Variants in SLC24A3 observed in about 807,000 individuals in gnomAD.
SLC24A3 encodes sodium/potassium/calcium exchanger 3.
Under a neutral mutation model 75.8 loss-of-function variants are expected in SLC24A3, and 28 were observed. The ratio of observed to expected loss-of-function variants is 0.37; its 90% CI spans 0.27 to 0.51. The LOEUF (loss-of-function observed/expected upper bound fraction) is 0.51. Ranked by LOEUF, SLC24A3 falls within the 20% of genes least tolerant of loss-of-function variation. The pLI is 0.94. For missense variants in SLC24A3, 663 were observed against 847.8 expected (o/e 0.78, Z 2.71); for synonymous variants, 372 against 334.1 (o/e 1.11, Z -1.24).
At chr20:19,339,952 A>T (rs1057060901) in intron 2 of SLC24A3, among the ~76,000 whole-genome samples, 2 of 152,168 alleles carry the variant, frequency 1.3e-5, no homozygotes, top group African/African-American at 2.4e-5. Context: ...TGAAAGTAAC[A>T]TTCTAACCAG....
Position 19,433,439 on chromosome 20 carries a change from T to G in SLC24A3, c.272-82049T>G, listed in dbSNP as rs1349017117. On this transcript the variant is annotated intron_variant, in intron 2 of 16. Transcript: ENST00000328041. Reference sequence around the variant, plus strand: ...GTGACTAAACTCAGGTCACCTTAGGTAAGTTTTCTCCAAGATGCAGAGTAT... The same window carrying G: ...GTGACTAAACTCAGGTCACCTTAGGGAAGTTTTCTCCAAGATGCAGAGTAT... Among the ~76,000 whole-genome samples, 6 of 152,206 alleles carry G rather than the reference T, an allele frequency of 3.9e-5. 1 individual carries two copies. Among genetic ancestry groups the G allele is most frequent in the Admixed American group, 2.6e-4 (4 of 15,282 alleles).
At chr20:19,664,970 C>T (rs2032380408) in intron 7 of SLC24A3, among the ~76,000 whole-genome samples, 1 of 152,204 alleles carries the variant, frequency 6.6e-6, no homozygotes, top group African/African-American at 2.4e-5. Flanking sequence ...TACTTATGTT[C>T]TCTGTGACTC....
At chr20:19,350,453 T>C (rs550552191) in intron 2 of SLC24A3, among the ~76,000 whole-genome samples, 1 of 152,338 alleles carries the variant, frequency 6.6e-6, no homozygotes, top group Admixed American at 6.5e-5. Flanking sequence ...GGTATTTTCT[T>C]TTTGAAATGC....
At chr20:19,359,315 A>G (rs922469424) in intron 2 of SLC24A3, among the ~76,000 whole-genome samples, 4 of 152,304 alleles carry the variant, frequency 2.6e-5, no homozygotes, top group African/African-American at 9.6e-5. Context: ...TTCCTAAAAG[A>G]ATCCTTAATT....
chr20:19,439,580 A>G (rs1987265411), intron 2 of SLC24A3, among the ~76,000 whole-genome samples: 1 of 152,194 alleles, frequency 6.6e-6, no homozygotes, highest in Admixed American at 6.5e-5. Flanking sequence ...CACCCCACCA[A>G]AATGATTACT....
At chr20:19,251,116 T>C (rs766448843) in intron 1 of SLC24A3, among the ~76,000 whole-genome samples, 77 of 152,234 alleles carry the variant, frequency 5.1e-4, no homozygotes, top group South Asian at 8.3e-4. Flanking sequence ...ACTTTTGTCA[T>C]GCAGCTGCCC....
chr20:19,445,727 T>C (rs1987371472), intron 2 of SLC24A3, among the ~76,000 whole-genome samples: 1 of 152,098 alleles, frequency 6.6e-6, no homozygotes, highest in South Asian at 2.1e-4. Context: ...CAAAGTCAGC[T>C]CTGACAGCCA....
intron 7 of SLC24A3, among the ~76,000 whole-genome samples, chr20:19,658,923 C>T (rs1380895684): frequency 6.6e-6 from 1 of 152,192 alleles, no homozygotes; most frequent in African/African-American, 2.4e-5. Context: ...TTCCAGCAGA[C>T]GGACAGTTTT....
intron 3 of SLC24A3, among the ~76,000 whole-genome samples, chr20:19,558,137 C>T (rs2030819666): frequency 6.6e-6 from 1 of 152,106 alleles, no homozygotes; most frequent in Non-Finnish European, 1.5e-5. Context: ...ACATCAGGTT[C>T]TCTGAGTCAC....
intron 1 of SLC24A3, among the ~76,000 whole-genome samples, chr20:19,263,231 CAT>C (rs1983053283): frequency 1.3e-5 from 2 of 152,308 alleles, no homozygotes; most frequent in African/African-American, 2.4e-5. Context: ...GGAACAGTCT[CAT>C]GTGGCTTTGG....
intron 6 of SLC24A3, among the ~76,000 whole-genome samples, chr20:19,622,028 G>A (rs1435607895): frequency 6.6e-6 from 1 of 152,206 alleles, no homozygotes; most frequent in Non-Finnish European, 1.5e-5. Context: ...GATGGGTTCT[G>A]AGGAGCTCTC....
chr20:19,553,873 T>G (rs566382530), intron 3 of SLC24A3, among the ~76,000 whole-genome samples: 1 of 152,304 alleles, frequency 6.6e-6, no homozygotes, highest in African/African-American at 2.4e-5. Context: ...GTGCATTTTT[T>G]GGGTGAAGTT....
intron 3 of SLC24A3, among the ~76,000 whole-genome samples, chr20:19,528,019 G>A (rs1224881892): frequency 6.6e-6 from 1 of 152,162 alleles, no homozygotes; most frequent in Non-Finnish European, 1.5e-5. Flanking sequence ...AAGCAGTCCT[G>A]TTTGTCCCAG....
chr20:19,476,909 C>T lies in SLC24A3; in HGVS notation c.272-38579C>T, dbSNP rs142618015. 1.8e-3 allele frequency among the ~76,000 whole-genome samples: 274 copies of T among 152,126 alleles called. 1 individual carries two copies. The highest frequency in any genetic ancestry group is 6.3e-3 in the African/African-American group (260 of 41,510). Reference sequence around the variant, plus strand: ...TTTGCCCTCCTCTCTCTTCTGGGCACTATAAGGGCATTTTCGAGACTTAGA... The same window carrying T: ...TTTGCCCTCCTCTCTCTTCTGGGCATTATAAGGGCATTTTCGAGACTTAGA... On this transcript the variant is annotated intron_variant, in intron 2 of 16. Transcript: ENST00000328041.
chr20:19,277,090 T>C (rs1301891325), intron 1 of SLC24A3, among the ~76,000 whole-genome samples: 1 of 152,186 alleles, frequency 6.6e-6, no homozygotes, highest in Admixed American at 6.5e-5. Flanking sequence ...ACTATAGCTG[T>C]ATAATTAAAC....
chr20:19,553,892 C>T (rs2030742777), intron 3 of SLC24A3, among the ~76,000 whole-genome samples: 1 of 152,102 alleles, frequency 6.6e-6, no homozygotes. Context: ...TTGTAGATAA[C>T]TTACATTGGC....
At chr20:19,552,715 C>T (rs2030716693) in intron 3 of SLC24A3, among the ~76,000 whole-genome samples, 1 of 152,124 alleles carries the variant, frequency 6.6e-6, no homozygotes, top group Non-Finnish European at 1.5e-5. Flanking sequence ...CTTTCTGACC[C>T]CTCTTTAAAC....
rs1294828100 is a variant in SLC24A3, at chr20:19,487,658, T to A, written c.272-27830T>A. ...TCAGTACTAGATGATATCAAGAAAT[T>A]CCATCTTGACTCAATCACAGCCACT... On this transcript the variant is annotated intron_variant, in intron 2 of 16. Transcript: ENST00000328041. Among the ~76,000 whole-genome samples, 3 of 152,164 alleles carry A rather than the reference T, an allele frequency of 2.0e-5. No homozygotes were observed. The East Asian group carries it at 5.8e-4, about 29-fold the overall frequency.
chr20:19,507,003 C>T (rs1988471204), intron 2 of SLC24A3, among the ~76,000 whole-genome samples: 1 of 152,216 alleles, frequency 6.6e-6, no homozygotes, highest in Non-Finnish European at 1.5e-5. Context: ...CTGAGGTTTA[C>T]TTGACCTCGT....
Sources: gnomAD v4.1 joint callset for allele counts (sites outside exome capture counted in the v4.1 genomes callset) on GRCh38, gnomAD v4.1.1 for gene constraint, MANE v1.5 for transcripts, NCBI Gene and HGNC (gene_info 2026-07-23, HGNC 2026-07-21) for gene names.